Variants in BRWD1 observed in about 807,000 individuals in gnomAD.
BRWD1 encodes bromodomain and WD repeat-containing protein 1.
In BRWD1, 82 loss-of-function variants were observed where a neutral mutation model predicts 251.2. The observed-to-expected ratio is 0.33, with a 90% confidence interval of 0.27 to 0.39. The LOEUF (loss-of-function observed/expected upper bound fraction) is 0.39. BRWD1 is among the 10% of genes least tolerant of loss of function. The probability of loss-of-function intolerance (pLI) is 1.00; values close to 1 mark genes in which losing one functional copy is unlikely to be tolerated. For synonymous variants in BRWD1, 918 were observed against 902.8 expected, an observed-to-expected ratio of 1.02 and a Z score of -0.30; for missense variants, 2,233 against 2,711.6, an observed-to-expected ratio of 0.82 and a Z score of 3.92.
rs367885490 is a variant in BRWD1 at position 39,301,423 on chromosome 21, A to G, written c.199-2841T>C. ...TGATAACTCAAGCTATCACACTGGA[A>G]AGACCAAAAGGGCGAGGAACTGAGA... On this transcript the variant is annotated intron_variant, in intron 4 of 40. Transcript: ENST00000342449. Among the ~76,000 whole-genome samples, 9 of 152,304 alleles carry G rather than the reference A, an allele frequency of 5.9e-5. No individual in the cohort carries two copies. In the East Asian group the frequency reaches 7.7e-4, roughly 13 times the overall value.
At position 39,192,203 on chromosome 21, in the gene BRWD1, G is replaced by A. The variant is rs2031588728; in HGVS notation, c.*4056C>T. 6 of 985,204 alleles carry A rather than the reference G, an allele frequency of 6.1e-6. No individual in the cohort carries two copies. Among genetic ancestry groups the A allele is most frequent in the Non-Finnish European group, 6.0e-6 (5 of 829,828 alleles). The allele number at this position is 985,204 out of a possible 1,614,324, so 61.0% of individuals were successfully genotyped here. A position where few individuals can be genotyped will look rare whatever the true frequency, so the allele number is the denominator to read the frequency against. ...TGGGCAACATCTCTGTAATTTAACA[G>A]CCTTTAAAACTTAAAATCGTAAGAA... On this transcript the variant is annotated 3_prime_UTR_variant, in exon 41 of 41. Coordinates refer to ENST00000342449, the MANE Select transcript of BRWD1 (RefSeq NM_033656.4).
intron 32 of BRWD1, 71 bp downstream of exon 32, chr21:39,215,166 C>T (rs931670954): frequency 1.5e-5 from 23 of 1,522,630 alleles, no homozygotes; most frequent in South Asian, 1.1e-4. Context: ...CCACCACGCC[C>T]GGCAAAACTA....
At chr21:39,234,019 C>CTAAA (rs1056184684) in intron 23 of BRWD1, among the ~76,000 whole-genome samples, 4 of 151,996 alleles carry the variant, frequency 2.6e-5, no homozygotes, top group African/African-American at 7.2e-5. Flanking sequence ...GACTCTGTCT[C>CTAAA]TAAATAAATA....
chr21:39,232,089 T>C, intron 25 of BRWD1, 88 bp downstream of exon 25: 2 of 1,069,366 alleles, frequency 1.9e-6, no homozygotes, highest in Non-Finnish European at 2.8e-6. Flanking sequence ...ATAAAATATG[T>C]TTCCAACAGG....
In BRWD1 at chr21:39,218,213, C is replaced by T. The variant is rs1167818873; in HGVS notation, c.3598G>A (p.Val1200Ile). The T allele has an allele frequency of 5.0e-6, 8 of 1,612,778 alleles. No individual in the cohort carries two copies. Among genetic ancestry groups the T allele is most frequent in the Non-Finnish European group, 5.9e-6 (7 of 1,179,652 alleles). ...DLCTYPKYCT[V>I]VAYPTDLYTI... ...TAAAGATCGGTTGGATAAGCTACTA[C>T]AGTACAGTACTTCGGGTATGTACAC... Residue 1200 changes from valine to isoleucine, a missense_variant, in exon 31 of 41, where the codon GTA becomes ATA. Physicochemically the swap from Val to Ile is conservative, Grantham distance 29 (BLOSUM62 3). Transcript: ENST00000342449.
intron 15 of BRWD1, among the ~76,000 whole-genome samples, chr21:39,268,790 T>C (rs2035008414): frequency 6.6e-6 from 1 of 152,142 alleles, no homozygotes; most frequent in East Asian, 1.9e-4. Flanking sequence ...ATGGAGACCA[T>C]CCTGGCTAAC....
At chr21:39,258,715 A>C (rs1248902008) in intron 17 of BRWD1, 43 bp from the exon 18 acceptor site, 1 of 1,366,938 alleles carries the variant, frequency 7.3e-7, no homozygotes, top group African/African-American at 1.5e-5. Flanking sequence ...TAAAAGCAGA[A>C]AACAAAAAAA....
Position 39,280,133 on chromosome 21 carries a change from A to C in BRWD1, c.932+15T>G. ...ATTAAAAAACAAAACCTGTTACATA[A>C]TTAAAGCCACTTACCTAAATTTTAA... On this transcript the variant is annotated intron_variant, in intron 9 of 40. Coordinates refer to ENST00000342449, the MANE Select transcript of BRWD1 (RefSeq NM_033656.4). The C allele has an allele frequency of 6.4e-7, 1 of 1,562,490 alleles. No individual in the cohort carries two copies. Among genetic ancestry groups the C allele is most frequent in the Non-Finnish European group, 8.7e-7 (1 of 1,150,490 alleles).
chr21:39,217,072 TATATATATA>T (rs2032968406), intron 31 of BRWD1: 15 of 11,228 alleles, frequency 1.3e-3, no homozygotes, highest in South Asian at 3.4e-3. Context: ...TATATATATA[TATATATATA>T]TATTTTTTTT....
At chr21:39,314,864 A>G (rs1300417989), upstream of BRWD1, 3 of 156,604 alleles carry the variant, frequency 1.9e-5, no homozygotes, top group African/African-American at 7.2e-5. Context: ...GTTCCTTACT[A>G]GTAAACCGTA....
In BRWD1 at chr21:39,313,095, C is replaced by A; in HGVS notation, c.115G>T (p.Val39Leu). Residue 39 changes from valine (V) to leucine (L), a missense_variant, in exon 3 of 41, where the codon GTG (valine) becomes TTG (leucine). This residue lies in a region of BRWD1 where 101 missense variants were observed against 95.6 expected (regional missense o/e 1.06). Transcript: ENST00000342449. ...GPCRRAAQVL[V>L]QELEQYQLLP... is the part of the protein sequence containing the mutation. ...ACCTGGTACTGCTCCAGCTCCTGCA[C>A]CAGCACCTGCGGCCGAGAGACGCGC... The A allele has an allele frequency of 3.3e-6, 5 of 1,493,282 alleles. No homozygotes were observed. Among genetic ancestry groups the A allele is most frequent in the Non-Finnish European group, 4.4e-6 (5 of 1,123,724 alleles). The allele number at this position is 1,493,282 out of a possible 1,614,324, so 92.5% of individuals were successfully genotyped here.
intron 13 of BRWD1, among the ~76,000 whole-genome samples, chr21:39,272,230 C>CT: frequency 6.7e-6 from 1 of 148,444 alleles, no homozygotes; most frequent in Non-Finnish European, 1.5e-5. Flanking sequence ...GTCAGGAGAT[C>CT]AAGACCATCC....
chr21:39,321,205 G>C (rs978176478), exon 1 of BRWD1: 2 of 151,838 alleles, frequency 1.3e-5, no homozygotes, highest in Non-Finnish European at 2.9e-5. Flanking sequence ...AGCACTTTGG[G>C]AGGCCGGGGC....
chr21:39,288,614 C>CA, intron 8 of BRWD1, among the ~76,000 whole-genome samples: 1 of 152,186 alleles, frequency 6.6e-6, no homozygotes, highest in African/African-American at 2.4e-5. Flanking sequence ...TTCTGACTCC[C>CA]AAAAAACTTA....
chr21:39,188,060 AGAGC>A lies in BRWD1; in HGVS notation c.*8195_*8198del. 1 of 985,450 alleles carries A rather than the reference AGAGC, an allele frequency of 1.0e-6. No homozygotes were observed. Among genetic ancestry groups the A allele is most frequent in the Non-Finnish European group, 1.2e-6 (1 of 829,920 alleles). 61.0% of individuals were successfully genotyped at this position (985,450 alleles called of 1,614,324 possible). On this transcript the variant is annotated 3_prime_UTR_variant, in exon 41 of 41. Transcript: ENST00000342449. ...GAGCTCTACACAGCCACATGATGCC[AGAGC>A]TACTACTCCGTGCTGACCAAACTTA...
rs1416702269 is a variant in BRWD1, at chr21:39,250,906, C to A, written c.2256-17G>T. The A allele has an allele frequency of 2.0e-6, 3 of 1,490,100 alleles. No individual in the cohort carries two copies. The highest frequency in any genetic ancestry group is 1.7e-4 in the Middle Eastern group (1 of 5,746). The allele number at this position is 1,490,100 out of a possible 1,614,324, so 92.3% of individuals were successfully genotyped here. A position where few individuals can be genotyped will look rare whatever the true frequency, so the allele number is the denominator to read the frequency against. On this transcript the variant is annotated splice_polypyrimidine_tract_variant and intron_variant, in intron 19 of 40. Transcript: ENST00000342449. ...TCCAGCTTCCTACAAATTTAAATAC[C>A]CAGTTATATTAACTACTGAACTGAT...
At chr21:39,260,701 C>A (rs1325070179) in intron 17 of BRWD1, among the ~76,000 whole-genome samples, 1 of 152,186 alleles carries the variant, frequency 6.6e-6, no homozygotes, top group Non-Finnish European at 1.5e-5. Context: ...ACAATGGAGA[C>A]AAACCCTCTG....
intron 25 of BRWD1, among the ~76,000 whole-genome samples, chr21:39,231,154 A>C (rs1309664288): frequency 6.6e-6 from 1 of 152,192 alleles, no homozygotes; most frequent in East Asian, 1.9e-4. Context: ...TCATTTTCTA[A>C]GTTTTTAAAA....
At chr21:39,313,823 C>A (rs989081580), upstream of BRWD1, 2 of 348,722 alleles carry the variant, frequency 5.7e-6, no homozygotes, top group Non-Finnish European at 5.3e-6. Context: ...AAGACCTGGG[C>A]GCCGCAGCAG....
Sources: gnomAD v4.1 joint callset for allele counts (sites outside exome capture counted in the v4.1 genomes callset) on GRCh38, gnomAD v4.1.1 for gene constraint, gnomAD v4.1.1 regional missense constraint, MANE v1.5 for transcripts, NCBI Gene and HGNC (gene_info 2026-07-23, HGNC 2026-07-21) for gene names.